FHOD3: variants seen among roughly 807,000 people sequenced by gnomAD.
FHOD3 encodes the protein formin homology 2 domain containing 3, also known as FH1/FH2 domain-containing protein 3.
A neutral mutation model predicts 173.0 loss-of-function variants in FHOD3; 90 were observed. The observed-to-expected ratio is 0.52, with a 90% CI of 0.44 to 0.62. The LOEUF is 0.62. Among genes scored for constraint, FHOD3 ranks in the 20% least tolerant of loss-of-function variants. The pLI, the probability that FHOD3 is intolerant of heterozygous loss-of-function variation, is 0.00. For synonymous variants in FHOD3, 828 were observed against 823.0 expected, an observed-to-expected ratio of 1.01 and a Z score of -0.10; for missense variants, 1,945 against 2,034.7, an observed-to-expected ratio of 0.96 and a Z score of 0.85.
Position 36,602,677 on chromosome 18 carries a change from T to A in FHOD3, c.722T>A (p.Val241Asp). Residue 241 changes from valine to aspartate, a missense_variant, in exon 8 of 29, where the codon GTC (valine) becomes GAC (aspartate). By Grantham distance (152) the Val-to-Asp change is radical. Coordinates refer to ENST00000590592, the MANE Select transcript of FHOD3 (RefSeq NM_001281740.3). ...AVTAVDTKRG[V>D]KPWSNIMEIL... is the part of the protein sequence containing the mutation. ...ATGATTTTTGCTTTACTCATAGGGG[T>A]CAAACCTTGGTCAAATATCATGGAA... is the stretch of plus-strand genomic sequence containing the variant. 1 of 1,613,482 alleles carries A rather than the reference T, an allele frequency of 6.2e-7. No homozygotes were observed. The highest frequency in any genetic ancestry group is 8.5e-7 in the Non-Finnish European group (1 of 1,179,420).
intron 10 of FHOD3, among the ~76,000 whole-genome samples, chr18:36,628,452 C>G (rs957285395): frequency 6.6e-6 from 1 of 152,162 alleles, no homozygotes; most frequent in African/African-American, 2.4e-5. Flanking sequence ...TACAAAAATT[C>G]AAAGACTTGG....
At chr18:36,391,708 G>T (rs2048307558) in intron 3 of FHOD3, among the ~76,000 whole-genome samples, 1 of 152,124 alleles carries the variant, frequency 6.6e-6, no homozygotes, top group African/African-American at 2.4e-5. Flanking sequence ...CTTGTAAAGG[G>T]CATGGTTGGT....
At chr18:36,313,259 G>A (rs2092297939) in intron 1 of FHOD3, among the ~76,000 whole-genome samples, 1 of 152,152 alleles carries the variant, frequency 6.6e-6, no homozygotes, top group Non-Finnish European at 1.5e-5. Context: ...TTGTTTTATG[G>A]AAGAATTGCC....
chr18:36,587,284 A>G (rs533649387), intron 6 of FHOD3, among the ~76,000 whole-genome samples: 53 of 152,270 alleles, frequency 3.5e-4, no homozygotes, highest in Middle Eastern at 6.8e-3. Context: ...GAGTTAGATG[A>G]TAATGAAGTT....
chr18:36,776,156 C>T (rs1267563140), intron 28 of FHOD3, among the ~76,000 whole-genome samples: 1 of 151,976 alleles, frequency 6.6e-6, no homozygotes, highest in Non-Finnish European at 1.5e-5. Context: ...TTTGCTGGCC[C>T]CCTTGTTTTG....
chr18:36,563,284 A>G (rs2058152639), intron 5 of FHOD3, among the ~76,000 whole-genome samples: 1 of 152,226 alleles, frequency 6.6e-6, no homozygotes, highest in African/African-American at 2.4e-5. Flanking sequence ...AATAAGGCAC[A>G]TTTGTGGAAT....
At chr18:36,655,741 C>T (rs1415730781) in intron 13 of FHOD3, among the ~76,000 whole-genome samples, 3 of 112,588 alleles carry the variant, frequency 2.7e-5, no homozygotes, top group Non-Finnish European at 5.4e-5. Context: ...AGAACCCTCA[C>T]CCTCCACACA....
Position 36,718,590 on chromosome 18 carries a change from T to C in FHOD3, c.3292T>C (p.Trp1098Arg), listed in dbSNP as rs1362965607. 1 of 1,614,170 alleles carries C rather than the reference T, an allele frequency of 6.2e-7. No homozygotes were observed. Among genetic ancestry groups the C allele is most frequent in the South Asian group, 1.1e-5 (1 of 91,078 alleles). ...CTGGAATGAAGTTCGGCCTTTTGAC[T>C]GGCCATGTAAAAACAACCGACGCTG... is the stretch of plus-strand genomic sequence containing the variant. ...LFWNEVRPFD[W>R]PCKNNRRCRE... is the part of the protein sequence containing the mutation. The change falls in exon 19 of 29, where the codon TGG becomes CGG. Residue 1098 changes from tryptophan (W) to arginine (R), a missense_variant. By Grantham distance (101) the Trp-to-Arg change is moderately radical (BLOSUM62 -3). Transcript: ENST00000590592.
intron 1 of FHOD3, among the ~76,000 whole-genome samples, chr18:36,298,723 TG>T (rs1423240126): frequency 6.7e-6 from 1 of 150,072 alleles, no homozygotes; most frequent in African/African-American, 2.4e-5. Context: ...GAGTGTCCCC[TG>T]GGAAGAATGG....
At chr18:36,503,125 C>T (rs1441506482) in intron 4 of FHOD3, among the ~76,000 whole-genome samples, 1 of 152,068 alleles carries the variant, frequency 6.6e-6, no homozygotes, top group Non-Finnish European at 1.5e-5. Context: ...CCATTCCTAC[C>T]CTGAGAAAGT....
chr18:36,482,852 CACACACAGAGAGAGAGAGAGAG>C (rs1568332036), intron 3 of FHOD3, among the ~76,000 whole-genome samples: 4 of 101,152 alleles, frequency 4.0e-5, no homozygotes, highest in East Asian at 9.1e-4. Context: ...CACACTCACA[CACACACAGAGAGAGAGAGAGAG>C]AGAGAGAGAG....
In FHOD3 at chr18:36,668,847, T is replaced by C. The variant is rs190237194; in HGVS notation, c.1835+10659T>C. On this transcript the variant is annotated intron_variant, in intron 14 of 28. Transcript: ENST00000590592. ...AATAAAATTGCGGTCAGAGAACATATGTTGTATGACTTGGATACTTTTAAA... is the reference window on the plus strand; with the variant it reads ...AATAAAATTGCGGTCAGAGAACATACGTTGTATGACTTGGATACTTTTAAA... Among the ~76,000 whole-genome samples, 382 of 152,174 alleles carry C rather than the reference T, an allele frequency of 2.5e-3. 1 individual carries two copies. The highest frequency in any genetic ancestry group is 3.3e-3 in the Admixed American group (50 of 15,290).
intron 11 of FHOD3, 23 bp from the exon 12 acceptor site, chr18:36,652,546 TC>T (rs1421129062): frequency 6.6e-7 from 1 of 1,508,256 alleles, no homozygotes; most frequent in South Asian, 1.2e-5. Flanking sequence ...TTCTTCTTCC[TC>T]CTCCTCCCTG....
At chr18:36,725,446 C>T (rs374647378) in intron 19 of FHOD3, among the ~76,000 whole-genome samples, 1 of 152,180 alleles carries the variant, frequency 6.6e-6, no homozygotes, top group African/African-American at 2.4e-5. Context: ...TATAGGGAAG[C>T]TTACACAGTC....
At chr18:36,696,228 G>A (rs116235024) in intron 17 of FHOD3, among the ~76,000 whole-genome samples, 159 of 152,286 alleles carry the variant, frequency 1.0e-3, no homozygotes, top group African/African-American at 3.6e-3. Flanking sequence ...TCAGCCATTT[G>A]TCATGGAGTC....
intron 10 of FHOD3, among the ~76,000 whole-genome samples, chr18:36,645,639 G>A (rs1235147138): frequency 1.3e-5 from 2 of 152,112 alleles, no homozygotes; most frequent in Admixed American, 1.3e-4. Flanking sequence ...GCACATTATA[G>A]AAAGGGGAAT....
intron 4 of FHOD3, among the ~76,000 whole-genome samples, chr18:36,510,302 C>T (rs911020571): frequency 3.9e-5 from 6 of 152,162 alleles, no homozygotes; most frequent in Non-Finnish European, 8.8e-5. Flanking sequence ...AAAATCATTT[C>T]TTAATGCTCA....
At chr18:36,299,873 G>A (rs1481722787) in intron 1 of FHOD3, among the ~76,000 whole-genome samples, 1 of 152,198 alleles carries the variant, frequency 6.6e-6, no homozygotes, top group South Asian at 2.1e-4. Context: ...GTCTGGCATT[G>A]TTTTTCCCAT....
intron 6 of FHOD3, among the ~76,000 whole-genome samples, chr18:36,582,345 A>G (rs1302031960): frequency 6.6e-6 from 1 of 152,166 alleles, no homozygotes. Flanking sequence ...AAGTTACGTA[A>G]TGTAAATAAT....
Sources: allele counts gnomAD v4.1 joint callset (sites outside exome capture counted in the v4.1 genomes callset), GRCh38; gene constraint gnomAD v4.1.1; transcripts MANE v1.5; gene names NCBI Gene and HGNC (gene_info 2026-07-23, HGNC 2026-07-21).